The following CDC73 variants were observed in gnomAD, a reference collection of about 807,000 sequenced individuals.
The protein encoded by CDC73 is cell division cycle 73.
CDC73 carries 21 observed loss-of-function variants against 83.7 expected under a neutral mutation model. The ratio of observed to expected loss-of-function variants is 0.25; its 90% CI spans 0.18 to 0.36. The LOEUF (loss-of-function observed/expected upper bound fraction) is 0.36. CDC73 is among the 10% of genes least tolerant of loss of function. CDC73 has a pLI of 1.00. For synonymous variants in CDC73, 224 were observed against 212.9 expected (o/e 1.05, Z -0.45); for missense variants, 342 against 653.3 (o/e 0.52, Z 5.19).
chr1:193,253,398 G>T lies in CDC73; in HGVS notation c.*2686G>T, dbSNP rs888677465. On this transcript the variant is annotated 3_prime_UTR_variant, in exon 17 of 17. Transcript: ENST00000367435. Reference sequence around the variant, plus strand: ...TCCTTCTTTTCTGTATGTATGTGTGGTTTTTGATTTTTTGTTGTTGTTGTT... The same window carrying T: ...TCCTTCTTTTCTGTATGTATGTGTGTTTTTTGATTTTTTGTTGTTGTTGTT... The T allele has an allele frequency of 1.3e-5, 3 of 232,230 alleles. No individual in the cohort carries two copies. Among genetic ancestry groups the T allele is most frequent in the Non-Finnish European group, 1.7e-5 (2 of 117,536 alleles). 14.4% of individuals were successfully genotyped at this position (232,230 alleles called of 1,614,324 possible). A position where few individuals can be genotyped will look rare whatever the true frequency, so the allele number is the denominator to read the frequency against.
chr1:193,166,301 A>G (rs1429305717), intron 10 of CDC73, among the ~76,000 whole-genome samples: 1 of 152,090 alleles, frequency 6.6e-6, no homozygotes, highest in East Asian at 1.9e-4. Flanking sequence ...GACCACAGGC[A>G]TGCACTGCAA....
At chr1:193,144,815 CTTT>C (rs34816338) in intron 7 of CDC73, among the ~76,000 whole-genome samples, 22 of 139,198 alleles carry the variant, frequency 1.6e-4, no homozygotes, top group South Asian at 2.2e-4. Context: ...ATTTGGCAGA[CTTT>C]TTTTTTTTTT....
intron 2 of CDC73, among the ~76,000 whole-genome samples, chr1:193,125,465 T>G (rs1675550532): frequency 6.6e-6 from 1 of 152,218 alleles, no homozygotes; most frequent in African/African-American, 2.4e-5. Context: ...TCTTGCTGTG[T>G]TGCCTAGGCT....
At position 193,138,306 on chromosome 1, in the gene CDC73, C is replaced by A; in HGVS notation, c.512+133C>A. 7.0e-6 allele frequency: 5 copies of A among 715,182 alleles called. No homozygotes were observed. In the South Asian group the frequency reaches 7.4e-5, roughly 11 times the overall value. 44.3% of individuals were successfully genotyped at this position (715,182 alleles called of 1,614,324 possible). On this transcript the variant is annotated intron_variant, in intron 6 of 16. Coordinates refer to ENST00000367435, the MANE Select transcript of CDC73 (RefSeq NM_024529.5). Reference sequence around the variant, plus strand: ...TTTTATGCCTCTTTGCTCTTAAGTTCGTAAGAACATGTGTGGGGATTGGAA... The same window carrying A: ...TTTTATGCCTCTTTGCTCTTAAGTTAGTAAGAACATGTGTGGGGATTGGAA...
At chr1:193,214,020 G>A (rs1677319718) in intron 13 of CDC73, among the ~76,000 whole-genome samples, 2 of 152,142 alleles carry the variant, frequency 1.3e-5, no homozygotes, top group East Asian at 1.9e-4. Flanking sequence ...CCCGACATTT[G>A]ATTGGAAACA....
chr1:193,163,242 A>C (rs533654536), intron 10 of CDC73, among the ~76,000 whole-genome samples: 2 of 151,328 alleles, frequency 1.3e-5, no homozygotes, highest in African/African-American at 4.9e-5. Context: ...GCAGTGGCTC[A>C]TGCCTGTAAT....
At chr1:193,212,604 C>T in intron 13 of CDC73, 127 bp downstream of exon 13, 1 of 559,898 alleles carries the variant, frequency 1.8e-6, no homozygotes, top group Middle Eastern at 4.3e-4. Flanking sequence ...AGGCCTTACA[C>T]ATAGTATGAA....
At chr1:193,190,436 G>T (rs1214146030) in intron 10 of CDC73, among the ~76,000 whole-genome samples, 1 of 152,180 alleles carries the variant, frequency 6.6e-6, no homozygotes, top group Non-Finnish European at 1.5e-5. Context: ...TTTATTAAAA[G>T]CTTGTAATTT....
intron 10 of CDC73, among the ~76,000 whole-genome samples, chr1:193,192,762 A>G (rs919502660): frequency 2.0e-5 from 3 of 152,228 alleles, no homozygotes; most frequent in Admixed American, 6.5e-5. Flanking sequence ...CCTTGCCGGC[A>G]TTTATTCAGC....
intron 2 of CDC73, among the ~76,000 whole-genome samples, chr1:193,129,319 A>G (rs1021701096): frequency 6.7e-6 from 1 of 149,916 alleles, no homozygotes; most frequent in Non-Finnish European, 1.5e-5. Flanking sequence ...TTTAGTAGAG[A>G]TGGAGTTTGA....
intron 10 of CDC73, among the ~76,000 whole-genome samples, chr1:193,198,241 G>A (rs1677034791): frequency 1.3e-5 from 2 of 152,152 alleles, no homozygotes; most frequent in Non-Finnish European, 2.9e-5. Flanking sequence ...ATAGTATAAT[G>A]AGGTGTTATG....
chr1:193,135,665 T>G lies in CDC73; in HGVS notation c.423+76T>G, dbSNP rs189907310. ...GGATTCTTTAGTAACAAGGATTCTT[T>G]GATTGCAGTAACCTGAGGAGCTTTT... On this transcript the variant is annotated intron_variant, in intron 5 of 16. Transcript: ENST00000367435. The G allele has an allele frequency of 1.7e-4, 205 of 1,197,128 alleles. No homozygotes were observed. In the African/African-American group the frequency reaches 2.9e-3, roughly 17 times the overall value. The allele number at this position is 1,197,128 out of a possible 1,614,324, so 74.2% of individuals were successfully genotyped here.
At chr1:193,130,915 C>T (rs1467097325) in intron 3 of CDC73, among the ~76,000 whole-genome samples, 2 of 152,110 alleles carry the variant, frequency 1.3e-5, no homozygotes, top group Non-Finnish European at 2.9e-5. Flanking sequence ...TCGTTGTTCA[C>T]CTCTCAGTTT....
intron 5 of CDC73, among the ~76,000 whole-genome samples, chr1:193,137,154 T>C (rs1318705350): frequency 6.6e-6 from 1 of 152,260 alleles, no homozygotes; most frequent in East Asian, 1.9e-4. Flanking sequence ...GCTGCAGTTA[T>C]CTTTAAAATC....
At chr1:193,205,537 TG>T (rs1416820488) in intron 11 of CDC73, among the ~76,000 whole-genome samples, 1 of 152,124 alleles carries the variant, frequency 6.6e-6, no homozygotes, top group Admixed American at 6.6e-5. Flanking sequence ...TTTTGTTTTT[TG>T]TTTGACAGTA....
intron 10 of CDC73, chr1:193,179,469 T>G (rs1043129769): frequency 6.6e-6 from 1 of 152,632 alleles, no homozygotes; most frequent in East Asian, 1.9e-4. Context: ...ATACATGAAA[T>G]TAAATGGTGG....
chr1:193,150,232 C>T (rs184347570), intron 8 of CDC73, 72 bp from the exon 9 acceptor site: 1 of 1,082,326 alleles, frequency 9.2e-7, no homozygotes, highest in Non-Finnish European at 1.4e-6. Context: ...GGTCATGCTA[C>T]TGCACTCCAG....
At chr1:193,185,799 T>C (rs1434789110) in intron 10 of CDC73, among the ~76,000 whole-genome samples, 1 of 152,168 alleles carries the variant, frequency 6.6e-6, no homozygotes, top group Admixed American at 6.6e-5. Flanking sequence ...CCCTCTGATG[T>C]CTATTACCCA....
intron 2 of CDC73, among the ~76,000 whole-genome samples, chr1:193,129,008 T>C (rs1675640507): frequency 6.7e-6 from 1 of 149,968 alleles, no homozygotes; most frequent in African/African-American, 2.5e-5. Context: ...TTTTTTTTTT[T>C]TTTTTTTGAG....
Sources: gnomAD v4.1 joint callset for allele counts (sites outside exome capture counted in the v4.1 genomes callset) on GRCh38, gnomAD v4.1.1 for gene constraint, MANE v1.5 for transcripts, NCBI Gene and HGNC (gene_info 2026-07-23, HGNC 2026-07-21) for gene names.